RBFOX1: variants seen among roughly 807,000 people sequenced by gnomAD.
RBFOX1 encodes RNA binding protein fox-1 homolog 1.
Under a neutral mutation model 57.7 loss-of-function variants are expected in RBFOX1, and 8 were observed. The ratio of observed to expected loss-of-function variants is 0.14; its 90% CI spans 0.08 to 0.25. The LOEUF (loss-of-function observed/expected upper bound fraction) is 0.25, where lower values mean the gene tolerates loss of function less well. RBFOX1 is among the 10% of genes least tolerant of loss of function. The pLI is 1.00. For missense variants in RBFOX1, 611 were observed against 548.5 expected (o/e 1.11, Z -1.14); for synonymous variants, 326 against 222.4 (o/e 1.47, Z -4.15).
rs779862926 is a variant in RBFOX1, at chr16:5,240,006, G to A, written c.120G>A (p.Glu40=). 3 of 1,530,412 alleles carry A rather than the reference G, an allele frequency of 2.0e-6. No individual in the cohort carries two copies. In the South Asian group the frequency reaches 3.6e-5, roughly 18 times the overall value. The allele number at this position is 1,530,412 out of a possible 1,614,324, so 94.8% of individuals were successfully genotyped here. The change falls in exon 1 of 3, where the codon GAG becomes GAA. Residue 40 remains glutamate, a synonymous_variant. Coordinates refer to the RBFOX1 transcript ENST00000585867. Reference sequence around the variant, plus strand: ...AGAAGAGGCTGCGGCTGGGGCTGGAGGGGGGAAGCGCACAGCCCGAGGACT... The same window carrying A: ...AGAAGAGGCTGCGGCTGGGGCTGGAAGGGGGAAGCGCACAGCCCGAGGACT...
At chr16:7,694,876 G>C (rs1245799829) in intron 14 of RBFOX1, among the ~76,000 whole-genome samples, 1 of 152,176 alleles carries the variant, frequency 6.6e-6, no homozygotes, top group Non-Finnish European at 1.5e-5. Flanking sequence ...ATGCCTCAGT[G>C]CACTAGAGCT....
chr16:6,334,069 A>G (rs961530013), intron 2 of RBFOX1, among the ~76,000 whole-genome samples: 5 of 152,176 alleles, frequency 3.3e-5, no homozygotes, highest in East Asian at 1.9e-4. Flanking sequence ...CATTGAGTAA[A>G]TTTTCCTTGA....
chr16:5,967,247 T>G (rs2059865027), intron 4 of RBFOX1, among the ~76,000 whole-genome samples: 2 of 152,188 alleles, frequency 1.3e-5, no homozygotes. Context: ...TTTGATCTAC[T>G]AATCCCTAAA....
chr16:6,092,274 C>T (rs1389317646), intron 1 of RBFOX1: 1 of 152,194 alleles, frequency 6.6e-6, no homozygotes, highest in Non-Finnish European at 1.5e-5. Flanking sequence ...GTAGGAAGCC[C>T]TCTGCAGTAG....
At chr16:6,997,643 C>T (rs2092381174) in intron 3 of RBFOX1, among the ~76,000 whole-genome samples, 1 of 152,110 alleles carries the variant, frequency 6.6e-6, no homozygotes, top group African/African-American at 2.4e-5. Flanking sequence ...TTTAAAGGGT[C>T]TTTCTCTTTG....
At chr16:5,284,230 T>G (rs916138269) in intron 1 of RBFOX1, among the ~76,000 whole-genome samples, 1 of 152,200 alleles carries the variant, frequency 6.6e-6, no homozygotes, top group Non-Finnish European at 1.5e-5. Context: ...CCTCTTTCTT[T>G]TGTAAATTGC....
At chr16:7,169,595 G>A (rs1316434994) in intron 4 of RBFOX1, among the ~76,000 whole-genome samples, 1 of 152,168 alleles carries the variant, frequency 6.6e-6, no homozygotes, top group Non-Finnish European at 1.5e-5. Flanking sequence ...ATTCCTACCA[G>A]GTAGGTGCAT....
chr16:6,992,173 GT>G (rs113179446), intron 3 of RBFOX1, among the ~76,000 whole-genome samples: 1 of 150,288 alleles, frequency 6.7e-6, no homozygotes, highest in Non-Finnish European at 1.5e-5. Flanking sequence ...GCAATTTTTT[GT>G]TTTTTTTGAG....
chr16:7,457,908 A>G (rs1022975481), intron 4 of RBFOX1, among the ~76,000 whole-genome samples: 3 of 152,112 alleles, frequency 2.0e-5, no homozygotes, highest in African/African-American at 7.2e-5. Flanking sequence ...GTTAACGTAT[A>G]TTCTCAGTCC....
chr16:7,149,462 T>C (rs1428438614), intron 4 of RBFOX1, among the ~76,000 whole-genome samples: 2 of 146,082 alleles, frequency 1.4e-5, no homozygotes, highest in African/African-American at 4.9e-5. Flanking sequence ...TGTGGCTCTT[T>C]CTTTTTCTTT....
chr16:7,011,841 G>A lies in RBFOX1; in HGVS notation c.-15-40216G>A, dbSNP rs183081601. 2.0e-5 allele frequency among the ~76,000 whole-genome samples: 3 copies of A among 152,282 alleles called. No homozygotes were observed. The East Asian group carries it at 5.8e-4, about 29-fold the overall frequency. On this transcript the variant is annotated intron_variant, in intron 3 of 15. Coordinates refer to ENST00000550418, the MANE Select transcript of RBFOX1 (RefSeq NM_018723.4). ...AAGTTGTTTTTGGACAGTGATATCA[G>A]TCATGAGAAATGGGAAGGAGTGGGA...
At chr16:6,034,926 A>C (rs1317897916) in intron 1 of RBFOX1, among the ~76,000 whole-genome samples, 2 of 120,126 alleles carry the variant, frequency 1.7e-5, no homozygotes, top group Non-Finnish European at 3.6e-5. Flanking sequence ...CTCTAGGCTT[A>C]ACCATTGAGC....
chr16:6,080,522 T>C (rs903297956), intron 1 of RBFOX1, among the ~76,000 whole-genome samples: 10 of 152,176 alleles, frequency 6.6e-5, no homozygotes, highest in African/African-American at 2.2e-4. Context: ...CAAACATTGA[T>C]TGAAGAAACT....
chr16:7,023,564 T>TAAAAAAAAAAAAAAAAAAAAAAAAAAAAA, intron 3 of RBFOX1, among the ~76,000 whole-genome samples: 1 of 43,916 alleles, frequency 2.3e-5, no homozygotes, highest in Non-Finnish European at 4.1e-5. Context: ...TCGTCTGTAC[T>TAAAAAAAAAAAAAAAAAAAAAAAAAAAAA]AAAAAAAAAA....
intron 3 of RBFOX1, among the ~76,000 whole-genome samples, chr16:6,943,331 C>G (rs373676946): frequency 6.6e-6 from 1 of 152,208 alleles, no homozygotes; most frequent in African/African-American, 2.4e-5. Context: ...TTGAAAAGGA[C>G]TGCATACTTC....
intron 4 of RBFOX1, among the ~76,000 whole-genome samples, chr16:7,294,773 ATAT>A (rs2095858413): frequency 6.8e-6 from 1 of 146,382 alleles, no homozygotes. Flanking sequence ...AAAATGATGA[ATAT>A]GATGATGATG....
rs1033784408 is a variant in RBFOX1, at chr16:6,145,030, A to G, written c.-127+125038A>G. 4.6e-5 allele frequency among the ~76,000 whole-genome samples: 7 copies of G among 151,826 alleles called. No individual in the cohort carries two copies. In the East Asian group the frequency reaches 1.3e-3, roughly 29 times the overall value. Reference sequence around the variant, plus strand: ...GCATTTTATTTTTTTTAATCATAGTATCTCTTTTTTTTTTAACTTTAAAGT... The same window carrying G: ...GCATTTTATTTTTTTTAATCATAGTGTCTCTTTTTTTTTTAACTTTAAAGT... On this transcript the variant is annotated intron_variant, in intron 1 of 15. Coordinates refer to ENST00000550418, the MANE Select transcript of RBFOX1 (RefSeq NM_018723.4).
At chr16:6,646,588 C>G (rs1211948207) in intron 2 of RBFOX1, among the ~76,000 whole-genome samples, 2 of 152,088 alleles carry the variant, frequency 1.3e-5, no homozygotes, top group African/African-American at 2.4e-5. Context: ...CGGATATGGA[C>G]TCTTCCTGGC....
At chr16:5,749,024 A>G (rs930962128) in intron 3 of RBFOX1, among the ~76,000 whole-genome samples, 3 of 152,056 alleles carry the variant, frequency 2.0e-5, no homozygotes, top group African/African-American at 7.2e-5. Context: ...GTTCTTTTCC[A>G]TGTTGAGTGC....
Sources: allele counts gnomAD v4.1 joint callset (sites outside exome capture counted in the v4.1 genomes callset), GRCh38; gene constraint gnomAD v4.1.1; transcripts MANE v1.5; gene names NCBI Gene and HGNC (gene_info 2026-07-23, HGNC 2026-07-21).